ANGPT1: variants seen among roughly 807,000 people sequenced by gnomAD.
The protein encoded by ANGPT1 is angiopoietin-1.
In ANGPT1, 17 loss-of-function variants were observed where a neutral mutation model predicts 62.2. The ratio of observed to expected loss-of-function variants is 0.27; its 90% CI spans 0.19 to 0.41. ANGPT1 has a LOEUF of 0.41. ANGPT1 is among the 10% of genes least tolerant of loss of function. The pLI, the probability that ANGPT1 is intolerant of heterozygous loss-of-function variation, is 1.00. For synonymous variants in ANGPT1, 199 were observed against 198.9 expected, an observed-to-expected ratio of 1.00 and a Z score of 0.00; for missense variants, 478 against 594.9, an observed-to-expected ratio of 0.80 and a Z score of 2.04.
In ANGPT1 at chr8:107,251,946, C is replaced by T; in HGVS notation, c.1406G>A (p.Gly469Glu). The change falls in exon 9 of 9, where the codon GGA becomes GAA. Residue 469 changes from glycine (G) to glutamate (E), a missense_variant. Around this residue, in one of 4 missense-constraint regions of ANGPT1, gnomAD observed 35 missense variants for 49.6 expected, o/e 0.71. Transcript: ENST00000517746. ...GMFYTAGQNH[G>E]KLNGIKWHYF... The stretch of plus-strand genomic sequence containing the variant: ...GTGCCACTTTATCCCATTCAGTTTT[C>T]CATGGTTTTGTCCCGCAGTATAGAA... The T allele has an allele frequency of 1.9e-6, 3 of 1,613,930 alleles. No individual in the cohort carries two copies. The highest frequency in any genetic ancestry group is 2.5e-6 in the Non-Finnish European group (3 of 1,179,878).
chr8:107,474,401 C>A (rs1036240581), intron 1 of ANGPT1, among the ~76,000 whole-genome samples: 2 of 152,124 alleles, frequency 1.3e-5, no homozygotes, highest in African/African-American at 2.4e-5. Context: ...ATTCTAAAAA[C>A]GCTCAATAAA....
Position 107,319,003 on chromosome 8 carries a change from C to T in ANGPT1, c.808+2893G>A, listed in dbSNP as rs575130842. Among the ~76,000 whole-genome samples, 4 of 152,204 alleles carry T rather than the reference C, an allele frequency of 2.6e-5. No individual in the cohort carries two copies. The East Asian group carries it at 5.8e-4, about 22-fold the overall frequency. ...GATGACTGTCAACACTCAAACACTC[C>T]GGGGCATTGTATTTAAACATTTTCT... On this transcript the variant is annotated intron_variant, in intron 4 of 8. Coordinates refer to ENST00000517746, the MANE Select transcript of ANGPT1 (RefSeq NM_001146.5).
intron 1 of ANGPT1, among the ~76,000 whole-genome samples, chr8:107,478,971 T>C (rs183047189): frequency 2.4e-4 from 36 of 152,274 alleles, no homozygotes; most frequent in African/African-American, 8.7e-4. Flanking sequence ...GGGCATCTTC[T>C]CTTTTTAAAA....
At chr8:107,322,307 A>T (rs948532988) in intron 3 of ANGPT1, among the ~76,000 whole-genome samples, 179 bp from the exon 4 acceptor site, 3 of 146,164 alleles carry the variant, frequency 2.1e-5, no homozygotes, top group Non-Finnish European at 4.6e-5. Flanking sequence ...CACATATAAC[A>T]TGTCAAATAA....
At chr8:107,255,072 A>G (rs1813327593) in intron 8 of ANGPT1, among the ~76,000 whole-genome samples, 1 of 152,216 alleles carries the variant, frequency 6.6e-6, no homozygotes, top group Non-Finnish European at 1.5e-5. Flanking sequence ...TTTGGAAACA[A>G]AATTTCTGAC....
At position 107,262,108 on chromosome 8, in the gene ANGPT1, T is replaced by A. The variant is rs145124742; in HGVS notation, c.1336+2113A>T. ...TACTCAGGAGGCTGAGGCAAGATAA[T>A]CACTTGAACCAGGGAGGCGGAGGTT... On this transcript the variant is annotated intron_variant, in intron 8 of 8. Coordinates refer to ENST00000517746, the MANE Select transcript of ANGPT1 (RefSeq NM_001146.5). Among the ~76,000 whole-genome samples, 464 of 152,138 alleles carry A rather than the reference T, an allele frequency of 3.0e-3. 4 individuals are homozygous for A. The highest frequency in any genetic ancestry group is 0.01 in the African/African-American group (432 of 41,490).
chr8:107,444,811 T>A (rs981804842), intron 1 of ANGPT1, among the ~76,000 whole-genome samples: 16 of 152,130 alleles, frequency 1.1e-4, no homozygotes, highest in African/African-American at 3.9e-4. Context: ...TATTAATTTT[T>A]CATGGGAGAT....
At chr8:107,370,007 G>A (rs966742622) in intron 1 of ANGPT1, among the ~76,000 whole-genome samples, 1 of 151,574 alleles carries the variant, frequency 6.6e-6, no homozygotes, top group Non-Finnish European at 1.5e-5. Flanking sequence ...GTGGTGGCAC[G>A]CATCTGCAGT....
At position 107,436,655 on chromosome 8, in the gene ANGPT1, C is replaced by T. The variant is rs560640556; in HGVS notation, c.297+60607G>A. ...GATGTACTTCTCATGCTACTTACTT[C>T]CTCTTTTCAGCTCACTAATGATGTT... On this transcript the variant is annotated intron_variant, in intron 1 of 8. Coordinates refer to ENST00000517746, the MANE Select transcript of ANGPT1 (RefSeq NM_001146.5). Among the ~76,000 whole-genome samples the T allele has an allele frequency of 2.0e-5, 3 of 152,250 alleles. No homozygotes were observed. In the South Asian group the frequency reaches 6.2e-4, roughly 32 times the overall value.
intron 1 of ANGPT1, among the ~76,000 whole-genome samples, chr8:107,380,819 T>C (rs1816622286): frequency 6.6e-6 from 1 of 152,220 alleles, no homozygotes; most frequent in Non-Finnish European, 1.5e-5. Flanking sequence ...CTTACTTTAG[T>C]GATGGCTGTG....
intron 4 of ANGPT1, among the ~76,000 whole-genome samples, chr8:107,315,768 G>A (rs527300578): frequency 4.6e-5 from 7 of 152,086 alleles, no homozygotes; most frequent in African/African-American, 1.4e-4. Flanking sequence ...ACAAATGTGT[G>A]CTTATATCCT....
chr8:107,347,247 A>G, intron 1 of ANGPT1, 150 bp from the exon 2 acceptor site: 1 of 683,806 alleles, frequency 1.5e-6, no homozygotes, highest in Non-Finnish European at 2.4e-6. Context: ...GAGAAATGGG[A>G]GCAGAGCACA....
At chr8:107,407,297 C>T (rs1586296586) in intron 1 of ANGPT1, among the ~76,000 whole-genome samples, 1 of 151,638 alleles carries the variant, frequency 6.6e-6, no homozygotes, top group African/African-American at 2.4e-5. Flanking sequence ...GCTGGCAGCC[C>T]TTTATAAAAT....
intron 1 of ANGPT1, among the ~76,000 whole-genome samples, chr8:107,354,752 A>G (rs944323374): frequency 6.6e-6 from 1 of 152,016 alleles, no homozygotes; most frequent in East Asian, 1.9e-4. Context: ...TTCTGTCCCA[A>G]ATATATTCCT....
intron 5 of ANGPT1, among the ~76,000 whole-genome samples, chr8:107,301,422 C>T (rs897702393): frequency 8.6e-5 from 13 of 151,658 alleles, no homozygotes; most frequent in Non-Finnish European, 1.8e-4. Flanking sequence ...TCACATACTT[C>T]ATCTGCTGTG....
intron 3 of ANGPT1, among the ~76,000 whole-genome samples, chr8:107,324,087 G>T (rs1670465800): frequency 6.6e-6 from 1 of 150,662 alleles, no homozygotes; most frequent in South Asian, 2.1e-4. Context: ...CCAGTGTCAG[G>T]TACTGTTTTA....
chr8:107,363,626 T>C (rs1163035121), intron 1 of ANGPT1, among the ~76,000 whole-genome samples: 1 of 152,182 alleles, frequency 6.6e-6, no homozygotes, highest in East Asian at 1.9e-4. Flanking sequence ...TGTATCATAG[T>C]ATTGTTTGAG....
At chr8:107,318,139 C>T (rs1268535539) in intron 4 of ANGPT1, among the ~76,000 whole-genome samples, 1 of 152,106 alleles carries the variant, frequency 6.6e-6, no homozygotes, top group East Asian at 1.9e-4. Flanking sequence ...GATAATGTTT[C>T]TAAGAATAAA....
chr8:107,330,412 C>T (rs1323168454), intron 3 of ANGPT1, among the ~76,000 whole-genome samples: 2 of 152,088 alleles, frequency 1.3e-5, no homozygotes, highest in Non-Finnish European at 1.5e-5. Context: ...TAACTATTAG[C>T]GTGTATCCTC....
Sources: allele counts gnomAD v4.1 joint callset (sites outside exome capture counted in the v4.1 genomes callset), GRCh38; gene constraint gnomAD v4.1.1; regional missense constraint gnomAD v4.1.1; transcripts MANE v1.5; gene names NCBI Gene and HGNC (gene_info 2026-07-23, HGNC 2026-07-21).